The following FTO variants were observed in gnomAD, a reference collection of about 807,000 sequenced individuals.
FTO encodes the protein FTO alpha-ketoglutarate dependent dioxygenase.
A neutral mutation model predicts 63.9 loss-of-function variants in FTO; 47 were observed. The observed-to-expected ratio is 0.74, with a 90% CI of 0.58 to 0.94. The LOEUF is 0.94. FTO is among the 40% of genes least tolerant of loss of function. The pLI, the probability that FTO is intolerant of heterozygous loss-of-function variation, is 0.00. For missense variants in FTO, 562 were observed against 618.1 expected (o/e 0.91, Z 0.96); for synonymous variants, 207 against 224.4 (o/e 0.92, Z 0.69).
chr16:54,040,810 G>C (rs1464954023), intron 8 of FTO: 1 of 152,148 alleles, frequency 6.6e-6, no homozygotes, highest in Non-Finnish European at 1.5e-5. Context: ...AAGAAGTTTT[G>C]ATTTTTATTC....
intron 8 of FTO, among the ~76,000 whole-genome samples, chr16:54,104,560 C>G (rs1457459984): frequency 6.6e-6 from 1 of 152,044 alleles, no homozygotes; most frequent in East Asian, 1.9e-4. Flanking sequence ...ATCTGCCCAC[C>G]TCAGCCTCCC....
intron 4 of FTO, among the ~76,000 whole-genome samples, chr16:53,859,090 A>G (rs2080095459): frequency 6.6e-6 from 1 of 152,242 alleles, no homozygotes; most frequent in Non-Finnish European, 1.5e-5. Flanking sequence ...AAAAGGAAAG[A>G]TGAGAAGGGA....
At chr16:54,000,667 C>A (rs1246700670) in intron 8 of FTO, among the ~76,000 whole-genome samples, 2 of 152,130 alleles carry the variant, frequency 1.3e-5, no homozygotes, top group Non-Finnish European at 2.9e-5. Flanking sequence ...GAAATAGAGC[C>A]AGTGACAACC....
intron 1 of FTO, among the ~76,000 whole-genome samples, chr16:53,730,839 A>G (rs780462372): frequency 2.0e-5 from 3 of 152,128 alleles, no homozygotes; most frequent in Non-Finnish European, 2.9e-5. Flanking sequence ...GATTTGTCAT[A>G]TGAATAGAAT....
intron 8 of FTO, among the ~76,000 whole-genome samples, chr16:53,958,650 A>G (rs2082990677): frequency 6.6e-6 from 1 of 152,192 alleles, no homozygotes; most frequent in Admixed American, 6.5e-5. Flanking sequence ...GCAGCCTGGG[A>G]ACTGGGAAGG....
chr16:54,031,914 G>A (rs1567528756), intron 8 of FTO, among the ~76,000 whole-genome samples: 1 of 152,152 alleles, frequency 6.6e-6, no homozygotes, highest in Non-Finnish European at 1.5e-5. Flanking sequence ...TTCCAGTTAG[G>A]TAGAATTCCA....
At chr16:53,915,718 A>T (rs952068888) in intron 7 of FTO, among the ~76,000 whole-genome samples, 7 of 152,220 alleles carry the variant, frequency 4.6e-5, no homozygotes, top group African/African-American at 1.7e-4. Context: ...CCATTGTCTG[A>T]ACCCCAAAGT....
intron 4 of FTO, among the ~76,000 whole-genome samples, chr16:53,856,057 T>C (rs1271530084): frequency 6.6e-6 from 1 of 151,772 alleles, no homozygotes. Context: ...GCCACCTGTC[T>C]ATTGAACATA....
At chr16:54,095,791 A>G (rs2086503350) in intron 8 of FTO, among the ~76,000 whole-genome samples, 1 of 152,050 alleles carries the variant, frequency 6.6e-6, no homozygotes, top group Non-Finnish European at 1.5e-5. Context: ...CTGGCCCCAA[A>G]GGTGACTTCG....
In FTO at chr16:53,709,239, G is replaced by T. The variant is rs530902449; in HGVS notation, c.45+5010G>T. 1.6e-4 allele frequency among the ~76,000 whole-genome samples: 25 copies of T among 152,318 alleles called. No homozygotes were observed. The East Asian group carries it at 4.8e-3, about 29-fold the overall frequency. The stretch of plus-strand genomic sequence containing the variant: ...CCAAGTCTGGAGGGTGAATAAGAAG[G>T]TTGGACCACATAGCTTTCTACGATT... On this transcript the variant is annotated intron_variant, in intron 1 of 8. Transcript: ENST00000471389.
chr16:54,086,021 C>T (rs2086247929), intron 8 of FTO, among the ~76,000 whole-genome samples: 1 of 152,136 alleles, frequency 6.6e-6, no homozygotes, highest in Non-Finnish European at 1.5e-5. Context: ...ACTTTAATCC[C>T]CTTTGCAAAA....
At chr16:53,824,305 C>A (rs2078947019) in intron 2 of FTO, among the ~76,000 whole-genome samples, 1 of 152,118 alleles carries the variant, frequency 6.6e-6, no homozygotes, top group Admixed American at 6.5e-5. Context: ...TTTTTTGTCC[C>A]TAGAATAGGT....
At chr16:53,969,593 A>G (rs924310827) in intron 8 of FTO, among the ~76,000 whole-genome samples, 6 of 152,310 alleles carry the variant, frequency 3.9e-5, no homozygotes, top group East Asian at 1.9e-4. Flanking sequence ...GAGTTCCCAG[A>G]CATTCTCACC....
At chr16:53,771,305 G>A (rs1231991155) in intron 1 of FTO, among the ~76,000 whole-genome samples, 1 of 152,024 alleles carries the variant, frequency 6.6e-6, no homozygotes, top group Non-Finnish European at 1.5e-5. Context: ...CCTTGACTTC[G>A]TCTTTCCCAT....
chr16:54,006,049 G>C (rs1014782433), intron 8 of FTO, among the ~76,000 whole-genome samples: 1 of 152,172 alleles, frequency 6.6e-6, no homozygotes, highest in African/African-American at 2.4e-5. Context: ...TAATTTTTAT[G>C]ATGAGCAGTT....
rs142474406 is a variant in FTO at position 53,811,493 on chromosome 16, C to G, written c.123+1276C>G. ...TTATTTCTAGGCCACTGTCTCTTAT[C>G]TCCATTCCCATTTGATCTGCACCAT... On this transcript the variant is annotated intron_variant, in intron 2 of 8. Coordinates refer to ENST00000471389, the MANE Select transcript of FTO (RefSeq NM_001080432.3). 2.9e-4 allele frequency among the ~76,000 whole-genome samples: 44 copies of G among 152,296 alleles called. 1 individual carries two copies. The East Asian group carries it at 8.5e-3, about 29-fold the overall frequency.
chr16:53,931,100 G>C (rs192123406), intron 7 of FTO, among the ~76,000 whole-genome samples: 2 of 152,090 alleles, frequency 1.3e-5, no homozygotes, highest in Non-Finnish European at 2.9e-5. Flanking sequence ...AGGGCCCCTG[G>C]ATAAAATGTA....
At chr16:53,738,287 G>A (rs966883496) in intron 1 of FTO, among the ~76,000 whole-genome samples, 2 of 152,170 alleles carry the variant, frequency 1.3e-5, no homozygotes, top group Non-Finnish European at 2.9e-5. Context: ...TTCCCAAAGT[G>A]TTGGGATTAC....
At chr16:53,960,467 C>T (rs953249123) in intron 8 of FTO, among the ~76,000 whole-genome samples, 2 of 152,198 alleles carry the variant, frequency 1.3e-5, no homozygotes, top group East Asian at 3.9e-4. Context: ...GAATTTTTAT[C>T]TCCCATTTAC....
Sources: gnomAD v4.1 joint callset for allele counts (sites outside exome capture counted in the v4.1 genomes callset) on GRCh38, gnomAD v4.1.1 for gene constraint, MANE v1.5 for transcripts, NCBI Gene and HGNC (gene_info 2026-07-23, HGNC 2026-07-21) for gene names.